Variants in RADIL observed in about 807,000 individuals in gnomAD.
RADIL encodes Rap associating with DIL domain.
In RADIL, 99 loss-of-function variants were observed where a neutral mutation model predicts 97.6. That is an observed-to-expected ratio of 1.01 (90% CI 0.86 to 1.20). The LOEUF is 1.20. RADIL is among the 50% of genes most tolerant of loss of function. RADIL has a pLI of 0.00. For missense variants in RADIL, 1,765 were observed against 1,498.9 expected (o/e 1.18, Z -2.93); for synonymous variants, 803 against 691.8 (o/e 1.16, Z -2.52).
chr7:4,801,511 G>A (rs1782083098), intron 12 of RADIL, 142 bp downstream of exon 12: 3 of 897,548 alleles, frequency 3.3e-6, no homozygotes, highest in South Asian at 1.7e-5. Flanking sequence ...CTCTCCATCT[G>A]GCCCCGTCTC....
intron 2 of RADIL, among the ~76,000 whole-genome samples, chr7:4,841,779 G>A (rs980764540): frequency 1.3e-5 from 2 of 152,156 alleles, no homozygotes; most frequent in African/African-American, 4.8e-5. Context: ...TTTAAGAAGA[G>A]AACACAAGGC....
chr7:4,822,066 G>C lies in RADIL; in HGVS notation c.1615+328C>G, dbSNP rs1289526250. Among the ~76,000 whole-genome samples the C allele has an allele frequency of 6.6e-6, 1 of 152,042 alleles. No individual in the cohort carries two copies. Among genetic ancestry groups the C allele is most frequent in the Non-Finnish European group, 1.5e-5 (1 of 68,004 alleles). ...GGCATCTGTGTCTCCCCTACTGAGTGATCTGTGTACCCCCCGGGCCCTCCT... is the reference window on the plus strand; with the variant it reads ...GGCATCTGTGTCTCCCCTACTGAGTCATCTGTGTACCCCCCGGGCCCTCCT... On this transcript the variant is annotated intron_variant, in intron 6 of 14. Coordinates refer to ENST00000399583, the MANE Select transcript of RADIL (RefSeq NM_018059.5). The surrounding 1 kb of genome is among the most constrained non-coding windows in gnomAD (Gnocchi z 5.3).
chr7:4,861,254 C>T (rs777469933), intron 2 of RADIL: 2 of 1,614,150 alleles, frequency 1.2e-6, no homozygotes, highest in East Asian at 2.2e-5. Context: ...ACTGTCATCT[C>T]TTAAGTCCAA....
At chr7:4,836,815 G>T (rs1296173780) in intron 2 of RADIL, among the ~76,000 whole-genome samples, 1 of 152,108 alleles carries the variant, frequency 6.6e-6, no homozygotes, top group African/African-American at 2.4e-5. Flanking sequence ...GTGCGCATCT[G>T]TAATCCCAGC....
intron 2 of RADIL, among the ~76,000 whole-genome samples, chr7:4,851,484 A>T (rs1338665472): frequency 6.6e-6 from 1 of 152,238 alleles, no homozygotes; most frequent in East Asian, 1.9e-4. Context: ...GCAGAAACCT[A>T]GATGGCTCAC....
chr7:4,883,522 C>A lies in RADIL; in HGVS notation c.-65+74G>T. 6.5e-6 allele frequency: 1 copy of A among 152,766 alleles called. No individual in the cohort carries two copies. The highest frequency in any genetic ancestry group is 2.1e-4 in the South Asian group (1 of 4,850). The allele number at this position is 152,766 out of a possible 1,614,324, so 9.5% of individuals were successfully genotyped here. ...CCGCGGCCTCCGCGCCCCAGGTCCC[C>A]GGCAGCGGCCGAGCAGCGCCCCTTA... is the stretch of plus-strand genomic sequence containing the variant. On this transcript the variant is annotated intron_variant, in intron 1 of 14. Transcript: ENST00000399583. This position sits in a 1 kb window ranked among gnomAD's most constrained non-coding sequence, Gnocchi z 7.1.
intron 2 of RADIL, among the ~76,000 whole-genome samples, chr7:4,862,258 A>T (rs568237485): frequency 6.6e-6 from 1 of 152,334 alleles, no homozygotes; most frequent in African/African-American, 2.4e-5. Flanking sequence ...TTGACATCGC[A>T]GATGTGCATC....
chr7:4,823,227 G>A (rs914073833), intron 5 of RADIL, among the ~76,000 whole-genome samples: 1 of 152,126 alleles, frequency 6.6e-6, no homozygotes, highest in African/African-American at 2.4e-5. Context: ...AGGCCAAGGC[G>A]GGTGGATCAC....
rs1485692930 is a variant in RADIL, at chr7:4,854,448, C to T, written c.536-17843G>A. ...GTGGCTCACGCCTGTAATCCCAGCA[C>T]GTTGGGAGGCCGAGGCAGGCAGATC... On this transcript the variant is annotated intron_variant, in intron 2 of 14. Transcript: ENST00000399583. The surrounding 1 kb of genome is among the most constrained non-coding windows in gnomAD (Gnocchi z 5.1). Among the ~76,000 whole-genome samples, 1 of 152,146 alleles carries T rather than the reference C, an allele frequency of 6.6e-6. No individual in the cohort carries two copies. Among genetic ancestry groups the T allele is most frequent in the African/African-American group, 2.4e-5 (1 of 41,420 alleles).
At chr7:4,859,883 C>T (rs780843741) in intron 2 of RADIL, 5 of 1,547,382 alleles carry the variant, frequency 3.2e-6, no homozygotes, top group South Asian at 1.1e-5. Flanking sequence ...GCAAGAATAT[C>T]CTCTAGACTC....
chr7:4,850,950 C>A (rs1783693705), intron 2 of RADIL, among the ~76,000 whole-genome samples: 1 of 152,082 alleles, frequency 6.6e-6, no homozygotes, highest in South Asian at 2.1e-4. Context: ...ACCTGGAATC[C>A]CAGCACTTTG....
chr7:4,798,137 C>CTATATA lies in RADIL; in HGVS notation c.*1235_*1240dup, dbSNP rs111926305. 173 of 146,646 alleles carry CTATATA rather than the reference C, an allele frequency of 1.2e-3. 1 individual carries two copies. The highest frequency in any genetic ancestry group is 3.9e-3 in the Admixed American group (57 of 14,644). 9.1% of individuals were successfully genotyped at this position (146,646 alleles called of 1,614,324 possible). On this transcript the variant is annotated 3_prime_UTR_variant, in exon 15 of 15. Transcript: ENST00000399583. The stretch of plus-strand genomic sequence containing the variant: ...CATATCTTAAATATATATACAAACA[C>CTATATA]TATATATATATATATATTTTATCCA...
chr7:4,861,072 C>G, intron 2 of RADIL: 1 of 1,614,234 alleles, frequency 6.2e-7, no homozygotes, highest in Non-Finnish European at 8.5e-7. Flanking sequence ...CAGGAAACAC[C>G]TCCGAGGAAA....
chr7:4,849,483 G>A lies in RADIL; in HGVS notation c.536-12878C>T, dbSNP rs913207113. Reference sequence around the variant, plus strand: ...GGCATCCTGTATTCTGTGGAATGTCGGCCAGGCTGCAGCTGTGAGGCTACA... The same window carrying A: ...GGCATCCTGTATTCTGTGGAATGTCAGCCAGGCTGCAGCTGTGAGGCTACA... On this transcript the variant is annotated intron_variant, in intron 2 of 14. Coordinates refer to ENST00000399583, the MANE Select transcript of RADIL (RefSeq NM_018059.5). This position sits in a 1 kb window ranked among gnomAD's most constrained non-coding sequence, Gnocchi z 5.4. Among the ~76,000 whole-genome samples, 3 of 152,078 alleles carry A rather than the reference G, an allele frequency of 2.0e-5. No homozygotes were observed. Among genetic ancestry groups the A allele is most frequent in the African/African-American group, 7.2e-5 (3 of 41,392 alleles).
chr7:4,813,105 CTTTCTTTCTTTCT>C lies in RADIL; in HGVS notation c.2139+2160_2139+2172del, dbSNP rs1023631996. 4.5e-4 allele frequency among the ~76,000 whole-genome samples: 60 copies of C among 132,146 alleles called. 2 individuals are homozygous for C. The highest frequency in any genetic ancestry group is 1.3e-3 in the African/African-American group (40 of 30,534). The allele number at this position is 132,146 out of a possible 152,430, so 86.7% of individuals were successfully genotyped here. A position where few individuals can be genotyped will look rare whatever the true frequency, so the allele number is the denominator to read the frequency against. The stretch of plus-strand genomic sequence containing the variant: ...CTCTCTCTCTCTCTCTCTCTCTTTC[CTTTCTTTCTTTCT>C]TTTCTTTCTTTCATAGTTGAGGTCT... On this transcript the variant is annotated intron_variant, in intron 9 of 14. Coordinates refer to ENST00000399583, the MANE Select transcript of RADIL (RefSeq NM_018059.5). The surrounding 1 kb of genome is among the most constrained non-coding windows in gnomAD (Gnocchi z 5.0).
intron 9 of RADIL, among the ~76,000 whole-genome samples, chr7:4,807,939 CCTCTCCTCTCCCTCCCTGTCT>C (rs1381405426): frequency 1.0e-4 from 8 of 77,360 alleles, no homozygotes; most frequent in Non-Finnish European, 1.5e-4. Flanking sequence ...CTTCCTCCTC[CCTCTCCTCTCCCTCCCTGTCT>C]CTCTCCTCTC....
chr7:4,861,258 A>C (rs746624327), intron 2 of RADIL: 3 of 1,614,152 alleles, frequency 1.9e-6, no homozygotes, highest in Non-Finnish European at 2.5e-6. Context: ...TCATCTCTTA[A>C]GTCCAAATCT....
At chr7:4,862,425 C>T (rs976534178) in intron 2 of RADIL, among the ~76,000 whole-genome samples, 1 of 152,136 alleles carries the variant, frequency 6.6e-6, no homozygotes, top group African/African-American at 2.4e-5. Flanking sequence ...ATTTCGAGGT[C>T]GACATTTGTG....
Position 4,831,081 on chromosome 7 carries a change from C to T in RADIL, c.1454+1060G>A, listed in dbSNP as rs1422933116. Among the ~76,000 whole-genome samples, 6 of 150,950 alleles carry T rather than the reference C, an allele frequency of 4.0e-5. No individual in the cohort carries two copies. The East Asian group carries it at 1.2e-3, about 29-fold the overall frequency. On this transcript the variant is annotated intron_variant, in intron 5 of 14. Coordinates refer to ENST00000399583, the MANE Select transcript of RADIL (RefSeq NM_018059.5). ...TGGTGCATGTCTGTAATCCCAGCTA[C>T]TTAGAAGGCTGAGGCAGGAGAATCG...
Sources: allele counts gnomAD v4.1 joint callset (sites outside exome capture counted in the v4.1 genomes callset), GRCh38; gene constraint gnomAD v4.1.1; non-coding constraint Gnocchi (gnomAD v3.1); transcripts MANE v1.5; gene names NCBI Gene and HGNC (gene_info 2026-07-23, HGNC 2026-07-21).